The following MYOF variants were observed in gnomAD, a reference collection of about 807,000 sequenced individuals.
MYOF encodes the protein myoferlin.
A neutral mutation model predicts 284.2 loss-of-function variants in MYOF; 244 were observed. The observed-to-expected ratio is 0.86, with a 90% confidence interval of 0.77 to 0.95. The LOEUF is 0.95. Ranked by LOEUF, MYOF falls within the 40% of genes least tolerant of loss-of-function variation. The pLI, the probability that MYOF is intolerant of heterozygous loss-of-function variation, is 0.00. For missense variants in MYOF, 2,496 were observed against 2,560.6 expected (o/e 0.97, Z 0.54); for synonymous variants, 904 against 919.7 (o/e 0.98, Z 0.31).
intron 39 of MYOF, among the ~76,000 whole-genome samples, 166 bp downstream of exon 39, chr10:93,339,987 G>A (rs1435333647): frequency 6.6e-6 from 1 of 152,074 alleles, no homozygotes; most frequent in Non-Finnish European, 1.5e-5. Flanking sequence ...GCTGAGGCAG[G>A]AGAATGGCGT....
chr10:93,336,575 G>C (rs1425914179), intron 40 of MYOF, among the ~76,000 whole-genome samples: 1 of 152,180 alleles, frequency 6.6e-6, no homozygotes, highest in African/African-American at 2.4e-5. Context: ...GGAGGGATGA[G>C]GATAGTGGAA....
rs867226045 is a variant in MYOF, at chr10:93,416,237, G to A, written c.434-6498C>T. 7.9e-5 allele frequency among the ~76,000 whole-genome samples: 12 copies of A among 152,220 alleles called. No homozygotes were observed. In the South Asian group the frequency reaches 8.3e-4, roughly 11 times the overall value. Reference sequence around the variant, plus strand: ...AGTAATCACCAAAGAAACTTCTCTCGGCCGGGCGTCGTGGCTCATGCCTGT... The same window carrying A: ...AGTAATCACCAAAGAAACTTCTCTCAGCCGGGCGTCGTGGCTCATGCCTGT... On this transcript the variant is annotated intron_variant, in intron 5 of 53. Transcript: ENST00000359263.
rs191907039 is a variant in MYOF at position 93,332,820 on chromosome 10, A to C, written c.4811+401T>G. Among the ~76,000 whole-genome samples the C allele has an allele frequency of 2.2e-3, 330 of 152,166 alleles. 2 individuals carry two copies. Among genetic ancestry groups the C allele is most frequent in the Middle Eastern group, 3.4e-3 (1 of 294 alleles). ...CGAGATCACGCCACTGCACTCCAGC[A>C]TGGGTGACAGCAAGACTCTGTCTTA... On this transcript the variant is annotated intron_variant, in intron 43 of 53. Coordinates refer to ENST00000359263, the MANE Select transcript of MYOF (RefSeq NM_013451.4).
In MYOF at chr10:93,389,099, C is replaced by A; in HGVS notation, c.1512G>T (p.Leu504=). 6.2e-7 allele frequency: 1 copy of A among 1,614,146 alleles called. No homozygotes were observed. Among genetic ancestry groups the A allele is most frequent in the Non-Finnish European group, 8.5e-7 (1 of 1,180,008 alleles). ...GFVPTFGPCY[L]NLYGSPREYT... ...ACTCTCTGGGGCTTCCATAAAGATT[C>A]AGGTAACAAGGTCCAAACGTTGGAA... Residue 504 remains leucine (L), a synonymous_variant, in exon 18 of 54, where the codon CTG becomes CTT. Transcript: ENST00000359263.
chr10:93,431,019 C>CTTTTTTTTTTTTTTTT (rs1405362981), intron 4 of MYOF, among the ~76,000 whole-genome samples: 2 of 121,952 alleles, frequency 1.6e-5, no homozygotes, highest in African/African-American at 5.6e-5. Flanking sequence ...AGACATTTTT[C>CTTTTTTTTTTTTTTTT]TTTTCTTTTT....
intron 45 of MYOF, among the ~76,000 whole-genome samples, chr10:93,328,487 T>C (rs1843154862): frequency 6.6e-6 from 1 of 152,206 alleles, no homozygotes; most frequent in African/African-American, 2.4e-5. Context: ...TAGCTAATTA[T>C]GCATTACATG....
At chr10:93,385,479 C>A (rs907317381) in intron 19 of MYOF, among the ~76,000 whole-genome samples, 11 of 152,196 alleles carry the variant, frequency 7.2e-5, no homozygotes, top group Admixed American at 1.3e-4. Context: ...TGCACATAAT[C>A]CAGAACAGAG....
chr10:93,467,436 C>T lies in MYOF; in HGVS notation c.89-10499G>A, dbSNP rs1024137445. ...GCAGTGTTTGGTTTTTTTGTCCTTG[C>T]GATAGTTTGCTGAGAATGATTAAAA... is the stretch of plus-strand genomic sequence containing the variant. On this transcript the variant is annotated intron_variant, in intron 1 of 53. Coordinates refer to ENST00000359263, the MANE Select transcript of MYOF (RefSeq NM_013451.4). 5.4e-5 allele frequency among the ~76,000 whole-genome samples: 8 copies of T among 148,524 alleles called. No individual in the cohort carries two copies. In the South Asian group the frequency reaches 8.7e-4, roughly 16 times the overall value.
intron 7 of MYOF, among the ~76,000 whole-genome samples, chr10:93,407,189 G>A (rs1260280207): frequency 6.6e-6 from 1 of 152,068 alleles, no homozygotes; most frequent in African/African-American, 2.4e-5. Flanking sequence ...ACTTTGGGAG[G>A]CCAAGGTAGG....
intron 3 of MYOF, among the ~76,000 whole-genome samples, chr10:93,435,984 T>A (rs1849101757): frequency 6.6e-6 from 1 of 151,322 alleles, no homozygotes; most frequent in Admixed American, 6.6e-5. Context: ...GGGAAAAAAA[T>A]CTCCTAGAAC....
chr10:93,342,121 G>A (rs1245508667), intron 38 of MYOF, among the ~76,000 whole-genome samples: 1 of 152,192 alleles, frequency 6.6e-6, no homozygotes, highest in East Asian at 1.9e-4. Context: ...ACATCACAGA[G>A]TAATGCCATG....
At chr10:93,373,138 G>A in intron 23 of MYOF, 53 bp from the exon 24 acceptor site, 1 of 1,608,664 alleles carries the variant, frequency 6.2e-7, no homozygotes, top group Non-Finnish European at 8.5e-7. Flanking sequence ...TAGTCTAAAT[G>A]GAGAGGGACC....
chr10:93,335,477 G>T lies in MYOF; in HGVS notation c.4563+444C>A, dbSNP rs960610393. 3.3e-5 allele frequency among the ~76,000 whole-genome samples: 5 copies of T among 152,364 alleles called. No homozygotes were observed. In the South Asian group the frequency reaches 1.0e-3, roughly 32 times the overall value. ...TGTGACGAGAAAGGTGACAAGGACT[G>T]TCAAGTGAGAAGTTGTCACGATGAT... On this transcript the variant is annotated intron_variant, in intron 41 of 53. Transcript: ENST00000359263.
At chr10:93,401,596 A>T in intron 11 of MYOF, 52 bp from the exon 12 acceptor site, 1 of 1,593,254 alleles carries the variant, frequency 6.3e-7, no homozygotes, top group Non-Finnish European at 8.6e-7. Flanking sequence ...AGCACTTGGA[A>T]AAAGCCAAAT....
rs1018915257 is a variant in MYOF, at chr10:93,369,677, C to G, written c.2557G>C (p.Ala853Pro). 3.1e-6 allele frequency: 5 copies of G among 1,614,152 alleles called. No individual in the cohort carries two copies. The Middle Eastern group carries it at 4.9e-4, about 160-fold the overall frequency. Reference sequence around the variant, plus strand: ...GCAAAGACGGTGAAAGTTCCTTCTGCGAAGCTGTTAAACTTCTTCTCCACA... The same window carrying G: ...GCAAAGACGGTGAAAGTTCCTTCTGGGAAGCTGTTAAACTTCTTCTCCACA... ...SAVEKKFNSFAEGTFTVFAEM... is the reference protein window; with the variant it reads ...SAVEKKFNSFPEGTFTVFAEM... Residue 853 changes from alanine to proline, a missense_variant, in exon 25 of 54, where the codon GCA (alanine) becomes CCA (proline). Physicochemically the swap from Ala to Pro is conservative, Grantham distance 27 (BLOSUM62 -1). Transcript: ENST00000359263.
intron 41 of MYOF, among the ~76,000 whole-genome samples, chr10:93,335,055 C>T (rs1284148563): frequency 2.0e-5 from 3 of 152,154 alleles, no homozygotes; most frequent in Non-Finnish European, 4.4e-5. Context: ...AGGCATGAAC[C>T]CAGACCTGTG....
rs138787796 is a variant in MYOF at position 93,402,024 on chromosome 10, G to C, written c.990+208C>G. Among the ~76,000 whole-genome samples, 24 of 152,252 alleles carry C rather than the reference G, an allele frequency of 1.6e-4. No individual in the cohort carries two copies. In the East Asian group the frequency reaches 4.1e-3, roughly 26 times the overall value. ...CACATTCATCGATTCTCAATTAAAT[G>C]CTCACTCATAGACATCAGATAAGAG... On this transcript the variant is annotated intron_variant, in intron 11 of 53. Transcript: ENST00000359263.
At chr10:93,402,912 G>A (rs1048427671) in intron 9 of MYOF, 22 bp from the exon 10 acceptor site, 9 of 1,595,322 alleles carry the variant, frequency 5.6e-6, no homozygotes, top group Non-Finnish European at 7.7e-6. Context: ...ATAATCGAAA[G>A]TAGTCTAAGT....
chr10:93,397,145 G>T, intron 15 of MYOF, 102 bp downstream of exon 15: 2 of 1,060,582 alleles, frequency 1.9e-6, no homozygotes, highest in Non-Finnish European at 2.7e-6. Flanking sequence ...CTCTCCTCTG[G>T]AAGGAAAGCA....
Sources: gnomAD v4.1 joint callset for allele counts (sites outside exome capture counted in the v4.1 genomes callset) on GRCh38, gnomAD v4.1.1 for gene constraint, MANE v1.5 for transcripts, NCBI Gene and HGNC (gene_info 2026-07-23, HGNC 2026-07-21) for gene names.